The following KHDRBS2 variants were observed in gnomAD, a reference collection of about 807,000 sequenced individuals.
KHDRBS2 encodes KH RNA binding domain containing, signal transduction associated 2.
A neutral mutation model predicts 44.3 loss-of-function variants in KHDRBS2; 26 were observed. The observed-to-expected ratio is 0.59, with a 90% CI of 0.43 to 0.81. KHDRBS2 has a LOEUF of 0.81. Ranked by LOEUF, KHDRBS2 falls within the 40% of genes least tolerant of loss-of-function variation. The pLI is 0.00. For missense variants in KHDRBS2, 476 were observed against 433.1 expected (o/e 1.10, Z -0.88); for synonymous variants, 194 against 151.1 (o/e 1.28, Z -2.08).
intron 1 of KHDRBS2, among the ~76,000 whole-genome samples, chr6:62,268,733 C>T (rs2150186788): frequency 6.6e-6 from 1 of 151,970 alleles, no homozygotes; most frequent in Admixed American, 6.6e-5. Context: ...CTTTGCTACT[C>T]AGGACAGTGC....
At chr6:61,544,617 C>T in the KHDRBS2 span, among the ~76,000 whole-genome samples, 1 of 151,938 alleles carries the variant, frequency 6.6e-6, no homozygotes, top group African/African-American at 2.4e-5. Flanking sequence ...TCAGGTGTGG[C>T]TGAATGAAAG....
chr6:61,755,074 C>A (rs1778283808), intron 6 of KHDRBS2, among the ~76,000 whole-genome samples: 1 of 152,114 alleles, frequency 6.6e-6, no homozygotes, highest in Non-Finnish European at 1.5e-5. Context: ...GCAAAGGTTA[C>A]TTTCAGGCAG....
the KHDRBS2 span, among the ~76,000 whole-genome samples, chr6:61,543,996 T>C: frequency 6.6e-6 from 1 of 151,560 alleles, no homozygotes; most frequent in South Asian, 2.1e-4. Flanking sequence ...TGTTTGTAGA[T>C]ACAAAAAAAA....
chr6:61,899,190 C>A (rs1001769346), intron 5 of KHDRBS2, among the ~76,000 whole-genome samples: 10 of 151,860 alleles, frequency 6.6e-5, no homozygotes, highest in Non-Finnish European at 1.5e-4. Flanking sequence ...AAGAGTATTT[C>A]TACAATGTAA....
intron 3 of KHDRBS2, among the ~76,000 whole-genome samples, chr6:61,984,991 T>A (rs983082280): frequency 6.6e-6 from 1 of 152,164 alleles, no homozygotes; most frequent in Non-Finnish European, 1.5e-5. Flanking sequence ...ACTATTGTGG[T>A]GCTCATAAAA....
At chr6:62,165,912 G>C (rs1296403080) in intron 2 of KHDRBS2, among the ~76,000 whole-genome samples, 4 of 151,836 alleles carry the variant, frequency 2.6e-5, no homozygotes, top group African/African-American at 2.4e-5. Flanking sequence ...ACTTCTAGAA[G>C]TTTTCATCAC....
At chr6:61,617,672 A>T in the KHDRBS2 span, among the ~76,000 whole-genome samples, 7 of 152,184 alleles carry the variant, frequency 4.6e-5, no homozygotes, top group Non-Finnish European at 8.8e-5. Flanking sequence ...TAATGTCAGC[A>T]ATAGCATGTT....
intron 4 of KHDRBS2, among the ~76,000 whole-genome samples, chr6:61,924,943 G>T (rs1255679985): frequency 2.0e-5 from 3 of 152,174 alleles, no homozygotes; most frequent in South Asian, 2.1e-4. Flanking sequence ...AGGGTGGTCG[G>T]ACATTCATAG....
chr6:62,230,563 T>C (rs748802658), intron 1 of KHDRBS2, among the ~76,000 whole-genome samples: 1 of 152,190 alleles, frequency 6.6e-6, no homozygotes, highest in Non-Finnish European at 1.5e-5. Flanking sequence ...ATTTCTGGCT[T>C]TGCTTCTTTA....
At chr6:61,908,890 G>T (rs1419104146) in intron 4 of KHDRBS2, among the ~76,000 whole-genome samples, 1 of 151,966 alleles carries the variant, frequency 6.6e-6, no homozygotes, top group Non-Finnish European at 1.5e-5. Context: ...GCATATACCT[G>T]CAGTAAATAA....
intron 2 of KHDRBS2, among the ~76,000 whole-genome samples, chr6:62,087,714 A>G (rs1343228137): frequency 6.6e-6 from 1 of 152,056 alleles, no homozygotes; most frequent in Non-Finnish European, 1.5e-5. Flanking sequence ...TGTTCTCTGT[A>G]TTTCCTGAAT....
intron 6 of KHDRBS2, among the ~76,000 whole-genome samples, chr6:61,830,306 A>G (rs1791591658): frequency 6.6e-6 from 1 of 152,128 alleles, no homozygotes; most frequent in Non-Finnish European, 1.5e-5. Flanking sequence ...CCTGGAGTGA[A>G]TTTCAAGAAT....
chr6:62,078,625 A>G (rs1271410180), intron 2 of KHDRBS2, among the ~76,000 whole-genome samples: 1 of 151,998 alleles, frequency 6.6e-6, no homozygotes, highest in African/African-American at 2.4e-5. Context: ...AATTATTTAT[A>G]CCATTGAAGT....
the KHDRBS2 span, among the ~76,000 whole-genome samples, chr6:61,551,505 A>T: frequency 6.6e-6 from 1 of 151,924 alleles, no homozygotes; most frequent in Non-Finnish European, 1.5e-5. Flanking sequence ...ATTATTTTAC[A>T]TTTAAATCTG....
rs187139348 is a variant in KHDRBS2, at chr6:61,723,150, C to T, written c.893+9532G>A. ...GCAGGACTATAGACAAGTGGCCTGA[C>T]CATAAAAAACAAACAAACAAACAAA... On this transcript the variant is annotated intron_variant, in intron 7 of 8. Transcript: ENST00000281156. 2.5e-4 allele frequency among the ~76,000 whole-genome samples: 27 copies of T among 109,790 alleles called. No homozygotes were observed. The East Asian group carries it at 5.8e-3, about 24-fold the overall frequency. The allele number at this position is 109,790 out of a possible 152,430, so 72.0% of individuals were successfully genotyped here.
chr6:62,203,071 A>C (rs1827300951), intron 1 of KHDRBS2, among the ~76,000 whole-genome samples: 1 of 152,132 alleles, frequency 6.6e-6, no homozygotes, highest in African/African-American at 2.4e-5. Context: ...AGTAAAATTT[A>C]TTGAAGGACC....
chr6:62,165,938 G>A (rs748905128), intron 2 of KHDRBS2, among the ~76,000 whole-genome samples: 8 of 151,792 alleles, frequency 5.3e-5, no homozygotes, highest in Non-Finnish European at 1.0e-4. Context: ...ACAAAAACTC[G>A]GTACCCATTA....
At chr6:62,194,704 A>G (rs1349077635) in intron 1 of KHDRBS2, among the ~76,000 whole-genome samples, 1 of 151,276 alleles carries the variant, frequency 6.6e-6, no homozygotes, top group African/African-American at 2.4e-5. Context: ...ACAGGGTTTC[A>G]CCATGTTGCC....
intron 1 of KHDRBS2, among the ~76,000 whole-genome samples, chr6:62,212,751 T>C (rs781504855): frequency 6.6e-6 from 1 of 152,148 alleles, no homozygotes; most frequent in African/African-American, 2.4e-5. Flanking sequence ...AGAGAGAGCA[T>C]AGCCCTGCCA....
Sources: gnomAD v4.1 joint callset for allele counts (sites outside exome capture counted in the v4.1 genomes callset) on GRCh38, gnomAD v4.1.1 for gene constraint, MANE v1.5 for transcripts, NCBI Gene and HGNC (gene_info 2026-07-23, HGNC 2026-07-21) for gene names.